The following AP3M1 variants were observed in gnomAD, a reference collection of about 807,000 sequenced individuals.
AP3M1 encodes the protein AP-3 complex subunit mu-1.
Under a neutral mutation model 42.6 loss-of-function variants are expected in AP3M1, and 29 were observed. That is an observed-to-expected ratio of 0.68 (90% confidence interval 0.51 to 0.93). The LOEUF (loss-of-function observed/expected upper bound fraction) is 0.93. Among genes scored for constraint, AP3M1 ranks in the 40% least tolerant of loss-of-function variants. The pLI is 0.00. For synonymous variants in AP3M1, 178 were observed against 175.3 expected, an observed-to-expected ratio of 1.02 and a Z score of -0.12; for missense variants, 416 against 510.2, an observed-to-expected ratio of 0.82 and a Z score of 1.78.
chr10:74,134,016 C>T lies in AP3M1; in HGVS notation c.583+11G>A, dbSNP rs748928879. 4.3e-6 allele frequency: 7 copies of T among 1,613,182 alleles called. No homozygotes were observed. The South Asian group carries it at 7.7e-5, about 18-fold the overall frequency. On this transcript the variant is annotated intron_variant, in intron 4 of 8. Transcript: ENST00000355264. ...GTTTTTCCCCAAATAAGATGACATG[C>T]ACACAATTACCTGATTTATCTATAA...
Position 74,134,181 on chromosome 10 carries a change from G to A in AP3M1, c.446-17C>T. ...TACTACTGCCTAGAAACCAAAAAAG[G>A]AGAAGGCAAAGCTGATGTATAAAAC... On this transcript the variant is annotated splice_polypyrimidine_tract_variant and intron_variant, in intron 3 of 8. Transcript: ENST00000355264. The A allele has an allele frequency of 6.2e-7, 1 of 1,610,550 alleles. No individual in the cohort carries two copies. The highest frequency in any genetic ancestry group is 8.5e-7 in the Non-Finnish European group (1 of 1,178,482).
At chr10:74,145,135 A>T (rs547322919) in intron 1 of AP3M1, among the ~76,000 whole-genome samples, 1 of 152,348 alleles carries the variant, frequency 6.6e-6, no homozygotes, top group African/African-American at 2.4e-5. Flanking sequence ...AATATAGTTC[A>T]CAAGGATTTA....
chr10:74,141,500 A>C (rs1011872010), intron 1 of AP3M1, among the ~76,000 whole-genome samples: 8 of 152,230 alleles, frequency 5.3e-5, no homozygotes, highest in African/African-American at 1.2e-4. Context: ...ATTTACTCAA[A>C]GAATATATAC....
At chr10:74,133,394 C>CA (rs112024001) in intron 4 of AP3M1, among the ~76,000 whole-genome samples, 1,188 of 117,716 alleles carry the variant, frequency 0.01, 12 homozygotes, top group Middle Eastern at 0.019. Context: ...AACTGCGTCT[C>CA]AAAAAAAAAA....
At chr10:74,149,861 A>G (rs1489390896) in intron 1 of AP3M1, among the ~76,000 whole-genome samples, 1 of 152,154 alleles carries the variant, frequency 6.6e-6, no homozygotes, top group Non-Finnish European at 1.5e-5. Context: ...TTCATGCCCC[A>G]AATGATGAAG....
chr10:74,137,474 C>CAAGAG (rs142745143), intron 2 of AP3M1, among the ~76,000 whole-genome samples: 21,843 of 151,950 alleles, frequency 0.14, 1,609 homozygotes, highest in Middle Eastern at 0.22. Flanking sequence ...TTCCGCAAGA[C>CAAGAG]AAAATAATAA....
At chr10:74,148,846 C>T (rs968627654) in intron 1 of AP3M1, among the ~76,000 whole-genome samples, 37 of 151,666 alleles carry the variant, frequency 2.4e-4, no homozygotes, top group African/African-American at 8.5e-4. Context: ...CGTGAGCCAC[C>T]GCACTCCATC....
Position 74,122,657 on chromosome 10 carries a change from C to T in AP3M1, c.*1153G>A, listed in dbSNP as rs780574046. On this transcript the variant is annotated 3_prime_UTR_variant, in exon 9 of 9. Transcript: ENST00000355264. ...TTCCATGTATTTTGTCAGTATAGTA[C>T]GTATATTTAAGCACTCCAGTGACAA... 3.9e-5 allele frequency: 6 copies of T among 152,194 alleles called. No individual in the cohort carries two copies. The highest frequency in any genetic ancestry group is 2.1e-4 in the South Asian group (1 of 4,826). The allele number at this position is 152,194 out of a possible 1,614,324, so 9.4% of individuals were successfully genotyped here.
At position 74,122,843 on chromosome 10, in the gene AP3M1, C is replaced by T. The variant is rs769310568; in HGVS notation, c.*967G>A. On this transcript the variant is annotated 3_prime_UTR_variant, in exon 9 of 9. Coordinates refer to ENST00000355264, the MANE Select transcript of AP3M1 (RefSeq NM_012095.6). Reference sequence around the variant, plus strand: ...AAGACTGATGACTGTGAGGCAGGCACATTTTCCTCCTTTTGCTGAACTGGG... The same window carrying T: ...AAGACTGATGACTGTGAGGCAGGCATATTTTCCTCCTTTTGCTGAACTGGG... The T allele has an allele frequency of 6.6e-6, 1 of 152,198 alleles. No individual in the cohort carries two copies. Among genetic ancestry groups the T allele is most frequent in the East Asian group, 1.9e-4 (1 of 5,200 alleles). 9.4% of individuals were successfully genotyped at this position (152,198 alleles called of 1,614,324 possible). A position where few individuals can be genotyped will look rare whatever the true frequency, so the allele number is the denominator to read the frequency against.
chr10:74,144,726 G>C (rs928077018), intron 1 of AP3M1, among the ~76,000 whole-genome samples: 2 of 150,732 alleles, frequency 1.3e-5, no homozygotes, highest in African/African-American at 4.9e-5. Context: ...GCAATGGCAC[G>C]ATTTCCTCTT....
At position 74,147,999 on chromosome 10, in the gene AP3M1, G is replaced by GA. The variant is rs1246419231; in HGVS notation, c.-4+2755dup. Among the ~76,000 whole-genome samples, 15 of 148,128 alleles carry GA rather than the reference G, an allele frequency of 1.0e-4. No individual in the cohort carries two copies. In the East Asian group the frequency reaches 1.2e-3, roughly 12 times the overall value. Reference sequence around the variant, plus strand: ...GCGACAAGAGCAAGACTCCATCTCAGAAAAAAAAAATAGTTTTGGTGGTAG... The same window carrying GA: ...GCGACAAGAGCAAGACTCCATCTCAGAAAAAAAAAAATAGTTTTGGTGGTAG... On this transcript the variant is annotated intron_variant, in intron 1 of 8. Coordinates refer to ENST00000355264, the MANE Select transcript of AP3M1 (RefSeq NM_012095.6).
In AP3M1 at chr10:74,134,253, A is replaced by G. The variant is rs1452997966; in HGVS notation, c.446-89T>C. ...TAGGAAAAAAAAAGCTGCTTCTTCA[A>G]TGTTTGGATTTTTCTTAATGAAGTT... On this transcript the variant is annotated intron_variant, in intron 3 of 8. Transcript: ENST00000355264. 5 of 1,391,124 alleles carry G rather than the reference A, an allele frequency of 3.6e-6. No individual in the cohort carries two copies. The African/African-American group carries it at 4.4e-5, about 12-fold the overall frequency. The allele number at this position is 1,391,124 out of a possible 1,614,324, so 86.2% of individuals were successfully genotyped here.
At chr10:74,149,652 T>C (rs889900044) in intron 1 of AP3M1, among the ~76,000 whole-genome samples, 5 of 152,322 alleles carry the variant, frequency 3.3e-5, no homozygotes, top group South Asian at 2.1e-4. Flanking sequence ...ATAGTGTCAA[T>C]TGAAAGTGTC....
Position 74,124,411 on chromosome 10 carries a change from T to C in AP3M1, c.1125A>G (p.Ile375Met). The change falls in exon 8 of 9, where the codon ATA becomes ATG. Residue 375 changes from isoleucine to methionine, a missense_variant. By Grantham distance (10) the Ile-to-Met change is conservative. Coordinates refer to ENST00000355264, the MANE Select transcript of AP3M1 (RefSeq NM_012095.6). ...TAGCAAGCTGCTGGATCTTAAACTG[T>C]ATGTTGAGGCTCGGATTCTCTTCTG... ...PKPEENPSLN[I>M]QFKIQQLAIS... 6.2e-7 allele frequency: 1 copy of C among 1,613,598 alleles called. No individual in the cohort carries two copies. Among genetic ancestry groups the C allele is most frequent in the Admixed American group, 1.7e-5 (1 of 59,886 alleles).
chr10:74,147,069 G>A (rs1841352293), intron 1 of AP3M1, among the ~76,000 whole-genome samples: 1 of 152,094 alleles, frequency 6.6e-6, no homozygotes. Context: ...TATCACCTGA[G>A]CTCGGGAGTT....
At position 74,123,574 on chromosome 10, in the gene AP3M1, C is replaced by A; in HGVS notation, c.*236G>T. Reference sequence around the variant, plus strand: ...GGTATCCTCCTATGGAAAAAAATCACCTCCAAAATCTTCCTAAGTGAAAAG... The same window carrying A: ...GGTATCCTCCTATGGAAAAAAATCAACTCCAAAATCTTCCTAAGTGAAAAG... On this transcript the variant is annotated 3_prime_UTR_variant, in exon 9 of 9. Coordinates refer to ENST00000355264, the MANE Select transcript of AP3M1 (RefSeq NM_012095.6). 1.9e-6 allele frequency: 1 copy of A among 532,920 alleles called. No individual in the cohort carries two copies. The highest frequency in any genetic ancestry group is 3.3e-6 in the Non-Finnish European group (1 of 300,946). 33.0% of individuals were successfully genotyped at this position (532,920 alleles called of 1,614,324 possible).
intron 1 of AP3M1, among the ~76,000 whole-genome samples, chr10:74,139,398 G>A (rs1018159439): frequency 7.9e-5 from 12 of 151,620 alleles, no homozygotes; most frequent in African/African-American, 2.4e-4. Context: ...AGGATTGCTT[G>A]AGCTCAGGAG....
intron 1 of AP3M1, among the ~76,000 whole-genome samples, chr10:74,145,168 A>C (rs1232345092): frequency 6.6e-6 from 1 of 152,110 alleles, no homozygotes; most frequent in East Asian, 1.9e-4. Flanking sequence ...GCCACAATAC[A>C]CTCTGAAAGA....
rs1016947671 is a variant in AP3M1, at chr10:74,127,567, G to A, written c.804-1212C>T. Among the ~76,000 whole-genome samples the A allele has an allele frequency of 4.2e-4, 64 of 152,158 alleles. 1 individual carries two copies. The highest frequency in any genetic ancestry group is 6.8e-3 in the Middle Eastern group (2 of 294). ...CCAGCTACTTGGGAGGCTGAGGCAG[G>A]AGAATCGCTTGAACCCAGGAGGTAG... On this transcript the variant is annotated intron_variant, in intron 6 of 8. Transcript: ENST00000355264.
Sources: gnomAD v4.1 joint callset for allele counts (sites outside exome capture counted in the v4.1 genomes callset) on GRCh38, gnomAD v4.1.1 for gene constraint, MANE v1.5 for transcripts, NCBI Gene and HGNC (gene_info 2026-07-23, HGNC 2026-07-21) for gene names.